Variants in MDN1 observed in about 807,000 individuals in gnomAD.
MDN1 encodes midasin.
Under a neutral mutation model 669.2 loss-of-function variants are expected in MDN1, and 266 were observed. The ratio of observed to expected loss-of-function variants is 0.40; its 90% CI spans 0.36 to 0.44. MDN1 has a LOEUF of 0.44. Ranked by LOEUF, MDN1 falls within the 20% of genes least tolerant of loss-of-function variation. MDN1 has a pLI of 1.00. For synonymous variants in MDN1, 2,385 were observed against 2,457.1 expected (o/e 0.97, Z 0.87); for missense variants, 5,940 against 6,754.0 (o/e 0.88, Z 4.22).
chr6:89,667,558 T>C (rs1810343495), intron 84 of MDN1, among the ~76,000 whole-genome samples: 1 of 152,206 alleles, frequency 6.6e-6, no homozygotes, highest in East Asian at 1.9e-4. Flanking sequence ...ATCTGAATAG[T>C]TCAGAAGGTT....
chr6:89,751,964 T>C (rs1178261196), intron 22 of MDN1, among the ~76,000 whole-genome samples: 3 of 152,222 alleles, frequency 2.0e-5, no homozygotes, highest in African/African-American at 7.2e-5. Flanking sequence ...GGTTTTGCAC[T>C]ATTATACTCT....
chr6:89,747,473 G>A lies in MDN1; in HGVS notation c.3763-3C>T, dbSNP rs775682398. 6.2e-7 allele frequency: 1 copy of A among 1,611,032 alleles called. No homozygotes were observed. Among genetic ancestry groups the A allele is most frequent in the Non-Finnish European group, 8.5e-7 (1 of 1,179,264 alleles). ...ACTGAAGAACTTCTGCGATAGGACT[G>A]TTGAAGTATCAAAACAAATGAAAAG... On this transcript the variant is annotated splice_region_variant and splice_polypyrimidine_tract_variant and intron_variant, in intron 26 of 101. Coordinates refer to ENST00000369393, the MANE Select transcript of MDN1 (RefSeq NM_014611.3).
intron 49 of MDN1, among the ~76,000 whole-genome samples, 166 bp from the exon 50 acceptor site, chr6:89,710,960 A>G (rs993975499): frequency 6.6e-6 from 1 of 152,224 alleles, no homozygotes; most frequent in Non-Finnish European, 1.5e-5. Context: ...TTATTTTTTT[A>G]AATCTAATCT....
chr6:89,674,493 C>A lies in MDN1; in HGVS notation c.12858G>T (p.Trp4286Cys). 6.2e-7 allele frequency: 1 copy of A among 1,612,470 alleles called. No homozygotes were observed. Among genetic ancestry groups the A allele is most frequent in the Non-Finnish European group, 8.5e-7 (1 of 1,179,978 alleles). ...TGGCCAGGTGCTGCAGGCGCTCTGT[C>A]CACTGCTGCACGCCATCCTGAGGGG... Reference protein sequence around the residue: ...AFPPQDGVQQWTERLQHLAMQ... With the variant: ...AFPPQDGVQQCTERLQHLAMQ... Residue 4286 changes from tryptophan to cysteine, a missense_variant, in exon 79 of 102, where the codon TGG (tryptophan) becomes TGT (cysteine). Trp to Cys is a radical substitution (Grantham distance 215). Transcript: ENST00000369393.
chr6:89,680,551 C>G lies in MDN1; in HGVS notation c.12265+38G>C. 7 of 1,599,488 alleles carry G rather than the reference C, an allele frequency of 4.4e-6. 1 individual carries two copies. In the East Asian group the frequency reaches 1.3e-4, roughly 31 times the overall value. ...AGCCCTCCTGCGCCACTGGGGAAAA[C>G]AGAAAGATCCACCCTTGACTTGGAT... On this transcript the variant is annotated intron_variant, in intron 74 of 101. Transcript: ENST00000369393.
intron 1 of MDN1, among the ~76,000 whole-genome samples, chr6:89,807,856 T>C (rs987023614): frequency 2.6e-5 from 4 of 152,230 alleles, no homozygotes; most frequent in African/African-American, 9.6e-5. Flanking sequence ...CAATGAGGCC[T>C]ATCCAGTAAA....
intron 67 of MDN1, 115 bp downstream of exon 67, chr6:89,687,963 G>A: frequency 1.0e-6 from 1 of 952,950 alleles, no homozygotes; most frequent in Non-Finnish European, 1.7e-6. Flanking sequence ...AACCAAGGAT[G>A]TTTACCTTTT....
rs537008504 is a variant in MDN1 at position 89,788,512 on chromosome 6, A to C, written c.1231-555T>G. 6.6e-5 allele frequency among the ~76,000 whole-genome samples: 10 copies of C among 152,308 alleles called. No homozygotes were observed. In the South Asian group the frequency reaches 2.1e-3, roughly 32 times the overall value. On this transcript the variant is annotated intron_variant, in intron 7 of 101. Coordinates refer to ENST00000369393, the MANE Select transcript of MDN1 (RefSeq NM_014611.3). ...CTGATAAACCTAAAAGCCATGGCAC[A>C]AGAATTCTGTTATGTGTAGGGTAGA...
intron 60 of MDN1, 81 bp downstream of exon 60, chr6:89,696,279 G>T: frequency 7.0e-7 from 1 of 1,428,898 alleles, no homozygotes; most frequent in East Asian, 2.3e-5. Flanking sequence ...CACTACAGAA[G>T]GAAGTTCTCA....
intron 17 of MDN1, among the ~76,000 whole-genome samples, chr6:89,760,621 A>C (rs1454372203): frequency 6.6e-6 from 1 of 152,204 alleles, no homozygotes; most frequent in East Asian, 1.9e-4. Flanking sequence ...GTATATATAC[A>C]TATATACAAA....
chr6:89,798,334 G>A (rs1271299948), intron 2 of MDN1, among the ~76,000 whole-genome samples: 1 of 151,876 alleles, frequency 6.6e-6, no homozygotes. Context: ...CCAACATGGA[G>A]AAACCCCGTC....
chr6:89,656,757 A>C lies in MDN1; in HGVS notation c.15228T>G (p.His5076Gln). ...GAADANQAEG[H>Q]ESNFIAQLAS... ...CCAACTGGGCAATGAAATTCGATTCATGGCCTTCTGCCTGGTTTGCATCTG... is the reference window on the plus strand; with the variant it reads ...CCAACTGGGCAATGAAATTCGATTCCTGGCCTTCTGCCTGGTTTGCATCTG... Residue 5076 changes from histidine to glutamine, a missense_variant, in exon 91 of 102, where the codon CAT becomes CAG. Transcript: ENST00000369393. 1.9e-6 allele frequency: 3 copies of C among 1,613,714 alleles called. No homozygotes were observed. The highest frequency in any genetic ancestry group is 2.5e-6 in the Non-Finnish European group (3 of 1,179,794).
intron 24 of MDN1, 97 bp from the exon 25 acceptor site, chr6:89,749,848 T>G: frequency 1.0e-6 from 1 of 995,774 alleles, no homozygotes; most frequent in Non-Finnish European, 1.5e-6. Flanking sequence ...TATCATCAAA[T>G]TTCAAAGCAA....
intron 64 of MDN1, 141 bp from the exon 65 acceptor site, chr6:89,690,284 G>A (rs1351220913): frequency 2.1e-6 from 2 of 973,342 alleles, no homozygotes; most frequent in African/African-American, 1.6e-5. Context: ...TATTTTAAAA[G>A]ACTACAGGCT....
rs564403223 is a variant in MDN1 at position 89,782,294 on chromosome 6, A to C, written c.1450-702T>G. On this transcript the variant is annotated intron_variant, in intron 9 of 101. Coordinates refer to ENST00000369393, the MANE Select transcript of MDN1 (RefSeq NM_014611.3). ...TGGTAAGGCCATTATGTAATTTCTC[A>C]ATGAAAAGCATGTAAAAGGAGCAGG... 2.0e-4 allele frequency among the ~76,000 whole-genome samples: 31 copies of C among 152,338 alleles called. No homozygotes were observed. In the South Asian group the frequency reaches 6.4e-3, roughly 32 times the overall value.
intron 5 of MDN1, among the ~76,000 whole-genome samples, chr6:89,792,591 G>A (rs1045800624): frequency 3.9e-5 from 6 of 151,984 alleles, no homozygotes; most frequent in Admixed American, 3.9e-4. Flanking sequence ...CTGGGTGTTT[G>A]GTGTTATTTA....
At chr6:89,666,390 G>A (rs1275471072) in intron 84 of MDN1, among the ~76,000 whole-genome samples, 4 of 152,136 alleles carry the variant, frequency 2.6e-5, no homozygotes, top group African/African-American at 7.2e-5. Context: ...GTCAGCTTCC[G>A]AGTAGCTGGG....
chr6:89,749,799 T>A (rs1316454005), intron 24 of MDN1, 48 bp from the exon 25 acceptor site: 1 of 1,393,016 alleles, frequency 7.2e-7, no homozygotes, highest in Non-Finnish European at 1.0e-6. Flanking sequence ...CAGTACAAAG[T>A]TTTAAAATGC....
chr6:89,772,385 A>C (rs1419594828), intron 14 of MDN1, among the ~76,000 whole-genome samples, 188 bp downstream of exon 14: 1 of 152,254 alleles, frequency 6.6e-6, no homozygotes, highest in East Asian at 1.9e-4. Flanking sequence ...GTATTTGCAT[A>C]AGCATAGATT....
Sources: gnomAD v4.1 joint callset for allele counts (sites outside exome capture counted in the v4.1 genomes callset) on GRCh38, gnomAD v4.1.1 for gene constraint, MANE v1.5 for transcripts, NCBI Gene and HGNC (gene_info 2026-07-23, HGNC 2026-07-21) for gene names.